The following CHRM3 variants were observed in gnomAD, a reference collection of about 807,000 sequenced individuals.
The protein encoded by CHRM3 is cholinergic receptor muscarinic 3, also known as muscarinic acetylcholine receptor M3.
A neutral mutation model predicts 41.8 loss-of-function variants in CHRM3; 11 were observed. That is an observed-to-expected ratio of 0.26 (90% CI 0.17 to 0.44). The LOEUF (loss-of-function observed/expected upper bound fraction) is 0.44, where lower values mean the gene tolerates loss of function less well. CHRM3 is among the 20% of genes least tolerant of loss of function. CHRM3 has a pLI of 1.00. For missense variants in CHRM3, 571 were observed against 745.4 expected, an observed-to-expected ratio of 0.77 and a Z score of 2.72; for synonymous variants, 297 against 301.4, an observed-to-expected ratio of 0.99 and a Z score of 0.15.
intron 5 of CHRM3, among the ~76,000 whole-genome samples, chr1:239,736,636 C>A (rs1664417844): frequency 6.6e-6 from 1 of 152,088 alleles, no homozygotes; most frequent in Admixed American, 6.6e-5. Flanking sequence ...TTTGAAACTC[C>A]ATCTCAGGAT....
intron 4 of CHRM3, among the ~76,000 whole-genome samples, chr1:239,674,806 G>A (rs1657819829): frequency 6.6e-6 from 1 of 151,668 alleles, no homozygotes; most frequent in South Asian, 2.1e-4. Flanking sequence ...CTAAGTGGAT[G>A]AGCCTCTCAC....
intron 3 of CHRM3, among the ~76,000 whole-genome samples, chr1:239,577,843 C>G (rs1662517124): frequency 6.6e-6 from 1 of 152,136 alleles, no homozygotes; most frequent in African/African-American, 2.4e-5. Context: ...TCTTCACTTT[C>G]CTTGTCACTG....
chr1:239,668,975 T>C (rs1246304729), intron 4 of CHRM3, among the ~76,000 whole-genome samples: 7 of 152,330 alleles, frequency 4.6e-5, no homozygotes, highest in Middle Eastern at 3.4e-3. Context: ...GCCTGCATAG[T>C]TGAACACTAT....
chr1:239,812,994 T>C (rs1671233579), intron 5 of CHRM3, among the ~76,000 whole-genome samples: 2 of 152,104 alleles, frequency 1.3e-5, no homozygotes, highest in East Asian at 1.9e-4. Flanking sequence ...AAAATACATT[T>C]TGTGGCCAGC....
chr1:239,874,394 A>G (rs765474295), intron 6 of CHRM3, among the ~76,000 whole-genome samples: 4 of 144,726 alleles, frequency 2.8e-5, no homozygotes, highest in Non-Finnish European at 6.0e-5. Context: ...GATTTTTTTC[A>G]GCCAAACGCA....
At chr1:239,703,782 A>T (rs558879843) in intron 5 of CHRM3, 31 of 152,306 alleles carry the variant, frequency 2.0e-4, no homozygotes, top group African/African-American at 7.2e-4. Flanking sequence ...TTGGAGACAT[A>T]AAGGCAAATA....
chr1:239,622,241 G>A (rs1668459654), intron 3 of CHRM3, among the ~76,000 whole-genome samples: 1 of 152,136 alleles, frequency 6.6e-6, no homozygotes, highest in Admixed American at 6.5e-5. Context: ...GGGTGTACAA[G>A]GAGGATATTA....
At chr1:239,576,490 C>T (rs1662355429) in intron 3 of CHRM3, among the ~76,000 whole-genome samples, 1 of 151,880 alleles carries the variant, frequency 6.6e-6, no homozygotes, top group African/African-American at 2.4e-5. Context: ...TGCCTATAAT[C>T]TCAGTGCTTT....
chr1:239,661,246 T>A (rs1462068459), intron 4 of CHRM3, among the ~76,000 whole-genome samples: 2 of 152,228 alleles, frequency 1.3e-5, no homozygotes, highest in Non-Finnish European at 2.9e-5. Context: ...ATACATAGGC[T>A]GCTCCTCTCA....
In CHRM3 at chr1:239,915,351, C is replaced by T. The variant is rs1397603482; in HGVS notation, c.*6127C>T. The T allele has an allele frequency of 1.8e-5, 3 of 167,044 alleles. No homozygotes were observed. Among genetic ancestry groups the T allele is most frequent in the Non-Finnish European group, 2.9e-5 (2 of 68,108 alleles). The allele number at this position is 167,044 out of a possible 1,614,324, so 10.3% of individuals were successfully genotyped here. On this transcript the variant is annotated 3_prime_UTR_variant, in exon 7 of 7. Coordinates refer to ENST00000676153, the MANE Select transcript of CHRM3 (RefSeq NM_001375978.1). ...CATTTTTAATCTTGAAAAAGTCAAT[C>T]GTCTGTAGTCTGTACTATAAAATGA...
intron 3 of CHRM3, among the ~76,000 whole-genome samples, chr1:239,600,913 T>C (rs1241012818): frequency 1.3e-5 from 2 of 152,160 alleles, no homozygotes; most frequent in African/African-American, 4.8e-5. Flanking sequence ...TCTCTGAGCA[T>C]AGCTTAAATG....
intron 1 of CHRM3, among the ~76,000 whole-genome samples, chr1:239,409,269 T>C (rs181523840): frequency 4.7e-4 from 71 of 152,332 alleles, no homozygotes; most frequent in Middle Eastern, 3.4e-3. Flanking sequence ...GCTTTAAACA[T>C]ATTATGATAC....
chr1:239,908,498 C>T lies in CHRM3; in HGVS notation c.1047C>T (p.Ser349=), dbSNP rs200197901. 1.7e-5 allele frequency: 28 copies of T among 1,604,024 alleles called. No individual in the cohort carries two copies. Among genetic ancestry groups the T allele is most frequent in the South Asian group, 1.3e-4 (12 of 89,908 alleles). Residue 349 remains serine (S), a synonymous_variant, in exon 7 of 7, where the codon TCC becomes TCT. Coordinates refer to ENST00000676153, the MANE Select transcript of CHRM3 (RefSeq NM_001375978.1). This position sits in a 1 kb window ranked among gnomAD's most constrained non-coding sequence, Gnocchi z 7.2. The part of the protein sequence containing the change: ...NNDAAASLEN[S]ASSDEEDIGS... ...ATGCTGCTGCCTCCCTGGAGAACTCCGCCTCCTCCGACGAGGAGGACATTG... is the reference window on the plus strand; with the variant it reads ...ATGCTGCTGCCTCCCTGGAGAACTCTGCCTCCTCCGACGAGGAGGACATTG...
intron 5 of CHRM3, among the ~76,000 whole-genome samples, chr1:239,765,078 G>T (rs1316318838): frequency 6.6e-6 from 1 of 152,196 alleles, no homozygotes; most frequent in East Asian, 1.9e-4. Context: ...GAGCCTCAGG[G>T]GTTATTAGTA....
intron 2 of CHRM3, among the ~76,000 whole-genome samples, chr1:239,526,418 T>C (rs1225263771): frequency 1.3e-5 from 2 of 152,178 alleles, no homozygotes; most frequent in Non-Finnish European, 2.9e-5. Flanking sequence ...GACACAGCAA[T>C]TCCACTTCAT....
chr1:239,865,313 G>A (rs1313449116), intron 6 of CHRM3, among the ~76,000 whole-genome samples: 1 of 152,182 alleles, frequency 6.6e-6, no homozygotes, highest in Non-Finnish European at 1.5e-5. Flanking sequence ...ATGCATAAAA[G>A]GAATCTTAAG....
chr1:239,861,663 C>T (rs984097348), intron 6 of CHRM3, among the ~76,000 whole-genome samples: 6 of 152,052 alleles, frequency 3.9e-5, no homozygotes, highest in Non-Finnish European at 7.4e-5. Flanking sequence ...CACACAGACT[C>T]GTTCGTTATT....
intron 2 of CHRM3, among the ~76,000 whole-genome samples, chr1:239,543,285 A>AT (rs1307858882): frequency 6.6e-6 from 1 of 152,138 alleles, no homozygotes; most frequent in Non-Finnish European, 1.5e-5. Flanking sequence ...GTCTGAACTC[A>AT]TTGCTTGTGC....
chr1:239,738,005 C>T (rs1403351299), intron 5 of CHRM3, among the ~76,000 whole-genome samples: 1 of 152,044 alleles, frequency 6.6e-6, no homozygotes, highest in Non-Finnish European at 1.5e-5. Context: ...AAAATAACAA[C>T]AACAACAACA....
Sources: gnomAD v4.1 joint callset for allele counts (sites outside exome capture counted in the v4.1 genomes callset) on GRCh38, gnomAD v4.1.1 for gene constraint, Gnocchi (gnomAD v3.1) non-coding constraint, MANE v1.5 for transcripts, NCBI Gene and HGNC (gene_info 2026-07-23, HGNC 2026-07-21) for gene names.